DLC1: variants seen among roughly 807,000 people sequenced by gnomAD.
The protein encoded by DLC1 is DLC1 Rho GTPase activating protein, also known as rho GTPase-activating protein 7.
In DLC1, 54 loss-of-function variants were observed where a neutral mutation model predicts 140.3. The ratio of observed to expected loss-of-function variants is 0.38; its 90% confidence interval spans 0.31 to 0.48. The LOEUF is 0.48. DLC1 is among the 20% of genes least tolerant of loss of function. The probability of loss-of-function intolerance (pLI) is 0.96; values close to 1 mark genes in which losing one functional copy is unlikely to be tolerated. For synonymous variants in DLC1, 986 were observed against 728.1 expected, an observed-to-expected ratio of 1.35 and a Z score of -5.70; for missense variants, 2,536 against 1,907.0, an observed-to-expected ratio of 1.33 and a Z score of -6.14.
At chr8:13,111,917 CAGA>C (rs1563621619) in intron 6 of DLC1, among the ~76,000 whole-genome samples, 1 of 151,984 alleles carries the variant, frequency 6.6e-6, no homozygotes, top group African/African-American at 2.4e-5. Flanking sequence ...GCCCCAAGGA[CAGA>C]AGATCATTTG....
chr8:13,155,201 G>C (rs1440540887), intron 5 of DLC1, among the ~76,000 whole-genome samples: 2 of 150,154 alleles, frequency 1.3e-5, no homozygotes, highest in Non-Finnish European at 2.9e-5. Context: ...TTTAAAGTAT[G>C]CATAGAATTC....
intron 5 of DLC1, among the ~76,000 whole-genome samples, chr8:13,284,278 A>C (rs1041463332): frequency 6.6e-6 from 1 of 152,144 alleles, no homozygotes; most frequent in African/African-American, 2.4e-5. Context: ...TGTAATCCCA[A>C]CACTTTGGGA....
At chr8:13,446,779 A>C in intron 2 of DLC1, among the ~76,000 whole-genome samples, 1 of 152,182 alleles carries the variant, frequency 6.6e-6, no homozygotes, top group East Asian at 1.9e-4. Flanking sequence ...TGTCTCTATT[A>C]AAAATACAAA....
intron 1 of DLC1, chr8:13,567,574 A>C (rs770108669): frequency 1.7e-5 from 26 of 1,551,648 alleles, no homozygotes; most frequent in African/African-American, 5.5e-5. Context: ...TAAGCAACAC[A>C]TATCTTATCA....
intron 5 of DLC1, among the ~76,000 whole-genome samples, chr8:13,135,408 C>G (rs899470717): frequency 3.3e-5 from 5 of 152,020 alleles, no homozygotes; most frequent in Non-Finnish European, 7.4e-5. Flanking sequence ...GTCTCGATCT[C>G]CTGACCTCGT....
intron 5 of DLC1, among the ~76,000 whole-genome samples, chr8:13,159,388 C>CTG (rs1472590967): frequency 6.6e-6 from 1 of 152,188 alleles, no homozygotes; most frequent in Non-Finnish European, 1.5e-5. Flanking sequence ...CTGAAGGACT[C>CTG]CAGGGCGCTG....
At chr8:13,261,426 A>G (rs1422934124) in intron 5 of DLC1, among the ~76,000 whole-genome samples, 1 of 152,148 alleles carries the variant, frequency 6.6e-6, no homozygotes, top group East Asian at 1.9e-4. Context: ...TCTTGGCCAT[A>G]GAAGGGATTT....
In DLC1 at chr8:13,444,805, A is replaced by G. The variant is rs550767916; in HGVS notation, c.1024-43186T>C. ...AGTATTTAGTGACTATAATCGTTCA[A>G]GGAAATTTTTTATGCAATTTGAAAA... On this transcript the variant is annotated intron_variant, in intron 2 of 17. Coordinates refer to ENST00000276297, the MANE Select transcript of DLC1 (RefSeq NM_182643.3). Among the ~76,000 whole-genome samples, 10 of 152,320 alleles carry G rather than the reference A, an allele frequency of 6.6e-5. No individual in the cohort carries two copies. The East Asian group carries it at 1.5e-3, about 24-fold the overall frequency.
intron 2 of DLC1, among the ~76,000 whole-genome samples, chr8:13,468,725 AG>A: frequency 6.8e-6 from 1 of 146,578 alleles, no homozygotes; most frequent in Non-Finnish European, 1.5e-5. Context: ...ACCTTGATGG[AG>A]GTTGACATAT....
At chr8:13,560,647 A>C (rs1297881635) in intron 1 of DLC1, among the ~76,000 whole-genome samples, 1 of 152,192 alleles carries the variant, frequency 6.6e-6, no homozygotes, top group Non-Finnish European at 1.5e-5. Context: ...CTTAAGTTGA[A>C]GTCCTAACCT....
chr8:13,469,805 T>C (rs1800122757), intron 2 of DLC1, among the ~76,000 whole-genome samples: 1 of 152,152 alleles, frequency 6.6e-6, no homozygotes, highest in East Asian at 1.9e-4. Flanking sequence ...TTGCTGAAAG[T>C]CTATGTGGAT....
At chr8:13,314,710 A>G (rs964835628) in intron 4 of DLC1, among the ~76,000 whole-genome samples, 6 of 152,224 alleles carry the variant, frequency 3.9e-5, no homozygotes, top group African/African-American at 9.6e-5. Context: ...AACATAAACC[A>G]TTAGATCAGA....
At chr8:13,169,590 G>T (rs984087593) in intron 5 of DLC1, among the ~76,000 whole-genome samples, 1 of 152,164 alleles carries the variant, frequency 6.6e-6, no homozygotes, top group Non-Finnish European at 1.5e-5. Flanking sequence ...AACCTGCTCT[G>T]TGGTTTTGGC....
At chr8:13,366,605 G>C (rs890504544) in intron 4 of DLC1, among the ~76,000 whole-genome samples, 2 of 152,186 alleles carry the variant, frequency 1.3e-5, no homozygotes, top group African/African-American at 4.8e-5. Context: ...CAGACAAGAA[G>C]TTCAAACAAC....
chr8:13,237,320 G>T (rs1829331526), intron 5 of DLC1, among the ~76,000 whole-genome samples: 1 of 144,646 alleles, frequency 6.9e-6, no homozygotes, highest in African/African-American at 2.6e-5. Context: ...ATATATATCA[G>T]CTTCTGTGTA....
intron 5 of DLC1, among the ~76,000 whole-genome samples, chr8:13,198,046 A>G (rs557439102): frequency 2.0e-5 from 3 of 152,078 alleles, no homozygotes; most frequent in East Asian, 1.9e-4. Context: ...TAGGAGCTCA[A>G]AGTTGCTCAG....
At chr8:13,350,089 C>T (rs1472126118) in intron 4 of DLC1, among the ~76,000 whole-genome samples, 1 of 152,140 alleles carries the variant, frequency 6.6e-6, no homozygotes, top group Non-Finnish European at 1.5e-5. Flanking sequence ...ATGATCCTGG[C>T]CAGATCAAAT....
chr8:13,561,611 AATTT>A (rs1237459158), intron 1 of DLC1, among the ~76,000 whole-genome samples: 5 of 152,244 alleles, frequency 3.3e-5, no homozygotes, highest in South Asian at 2.1e-4. Context: ...GTTCTTTATT[AATTT>A]ATTTATTTCT....
upstream of DLC1, among the ~76,000 whole-genome samples, chr8:13,516,558 A>G (rs928933411): frequency 1.3e-5 from 2 of 152,214 alleles, no homozygotes; most frequent in African/African-American, 4.8e-5. Context: ...AGATGGCAAG[A>G]ATGACTTATA....
Sources: allele counts gnomAD v4.1 joint callset (sites outside exome capture counted in the v4.1 genomes callset), GRCh38; gene constraint gnomAD v4.1.1; transcripts MANE v1.5; gene names NCBI Gene and HGNC (gene_info 2026-07-23, HGNC 2026-07-21).